Variants in MXRA7 observed in about 807,000 individuals in gnomAD.
The protein encoded by MXRA7 is matrix-remodeling-associated protein 7.
In MXRA7, 18 loss-of-function variants were observed where a neutral mutation model predicts 17.4. That is an observed-to-expected ratio of 1.03 (90% CI 0.71 to 1.53). MXRA7 has a LOEUF of 1.53. Among genes scored for constraint, MXRA7 ranks in the 40% most tolerant of loss-of-function variants. The pLI, the probability that MXRA7 is intolerant of heterozygous loss-of-function variation, is 0.00. For synonymous variants in MXRA7, 70 were observed against 101.7 expected (o/e 0.69, Z 1.87); for missense variants, 141 against 209.3 (o/e 0.67, Z 2.01).
chr17:76,682,288 C>T (rs931179604), intron 3 of MXRA7, among the ~76,000 whole-genome samples: 2 of 152,206 alleles, frequency 1.3e-5, no homozygotes, highest in East Asian at 1.9e-4. Flanking sequence ...AGTTAGGGGA[C>T]GTGCAGCTTG....
At chr17:76,688,643 TCCATGTTC>T in intron 1 of MXRA7, 1 of 1,240,126 alleles carries the variant, frequency 8.1e-7, no homozygotes, top group African/African-American at 1.5e-5. Flanking sequence ...TCTCTCAGTG[TCCATGTTC>T]CCAAAACTGG....
intron 1 of MXRA7, among the ~76,000 whole-genome samples, chr17:76,691,326 C>T (rs1211758609): frequency 6.6e-6 from 1 of 152,228 alleles, no homozygotes; most frequent in African/African-American, 2.4e-5. Flanking sequence ...GTACCTCCAT[C>T]TGGCTGTTCA....
At chr17:76,683,100 A>G (rs1223155538) in intron 3 of MXRA7, among the ~76,000 whole-genome samples, 2 of 152,212 alleles carry the variant, frequency 1.3e-5, no homozygotes, top group Admixed American at 1.3e-4. Flanking sequence ...GAGGCCCTCC[A>G]GATCCATCTG....
At chr17:76,689,619 G>C (rs2076454786) in intron 1 of MXRA7, 1 of 152,190 alleles carries the variant, frequency 6.6e-6, no homozygotes. Context: ...CGCTCCATTT[G>C]ACACAGCAAA....
intron 1 of MXRA7, among the ~76,000 whole-genome samples, chr17:76,705,398 T>A (rs905536861): frequency 5.3e-5 from 8 of 152,364 alleles, no homozygotes; most frequent in African/African-American, 1.9e-4. Flanking sequence ...GAATACAATA[T>A]TTTATGTTCT....
At chr17:76,683,757 G>A in intron 3 of MXRA7, 3 of 848,856 alleles carry the variant, frequency 3.5e-6, no homozygotes, top group Non-Finnish European at 4.0e-6. Flanking sequence ...CGATGGAGGA[G>A]GGGAGGTTGA....
chr17:76,686,934 A>C (rs1459770533), intron 2 of MXRA7, among the ~76,000 whole-genome samples: 1 of 138,980 alleles, frequency 7.2e-6, no homozygotes, highest in African/African-American at 2.6e-5. Context: ...GGTGCAGATA[A>C]GGGGGGAGGC....
chr17:76,679,295 A>AC (rs1567974760), downstream of MXRA7, among the ~76,000 whole-genome samples: 1 of 143,692 alleles, frequency 7.0e-6, no homozygotes, highest in Non-Finnish European at 1.5e-5. Flanking sequence ...CTCAAAAAAA[A>AC]AAAAAAAAAG....
intron 1 of MXRA7, among the ~76,000 whole-genome samples, chr17:76,694,726 C>G (rs1246367217): frequency 6.6e-6 from 1 of 152,124 alleles, no homozygotes; most frequent in Non-Finnish European, 1.5e-5. Flanking sequence ...CCTGGGACTA[C>G]AGACATGGGC....
At chr17:76,702,750 C>T (rs1202734272) in intron 1 of MXRA7, among the ~76,000 whole-genome samples, 3 of 151,236 alleles carry the variant, frequency 2.0e-5, no homozygotes, top group South Asian at 4.2e-4. Flanking sequence ...TATTTGGGAG[C>T]CTGAGGCAAG....
intron 1 of MXRA7, among the ~76,000 whole-genome samples, chr17:76,706,141 A>ACGCTGCCGT (rs1187876350): frequency 5.6e-4 from 85 of 151,898 alleles, no homozygotes; most frequent in Admixed American, 9.8e-4. Context: ...ACAAAGGACC[A>ACGCTGCCGT]CACTGCCGTC....
chr17:76,710,952 C>T lies in MXRA7; in HGVS notation c.-6G>A, dbSNP rs984089109. The T allele has an allele frequency of 3.0e-5, 30 of 992,620 alleles. No homozygotes were observed. In the South Asian group the frequency reaches 9.0e-4, roughly 30 times the overall value. The allele number at this position is 992,620 out of a possible 1,614,324, so 61.5% of individuals were successfully genotyped here. Reference sequence around the variant, plus strand: ...AGCTCGGCCGGCGCCTCCATCGCGCCGCGGCCGCCGAGTGCGGGCCAGCTG... The same window carrying T: ...AGCTCGGCCGGCGCCTCCATCGCGCTGCGGCCGCCGAGTGCGGGCCAGCTG... On this transcript the variant is annotated 5_prime_UTR_variant, in exon 1 of 4. Transcript: ENST00000449428.
At chr17:76,709,038 C>T (rs1360406059) in intron 1 of MXRA7, among the ~76,000 whole-genome samples, 2 of 152,130 alleles carry the variant, frequency 1.3e-5, no homozygotes, top group Admixed American at 6.5e-5. Context: ...TGAACCTATT[C>T]CTGTAGGTAC....
In MXRA7 at chr17:76,710,598, T is replaced by C. The variant is rs1355828928; in HGVS notation, c.342+7A>G. Reference sequence around the variant, plus strand: ...GGGGAGGGGGCCGCGAGGGCCCCGGTGCGTACCTGCCTCGCCTCCACCGCC... The same window carrying C: ...GGGGAGGGGGCCGCGAGGGCCCCGGCGCGTACCTGCCTCGCCTCCACCGCC... On this transcript the variant is annotated splice_region_variant and intron_variant, in intron 1 of 3. Transcript: ENST00000449428. The C allele has an allele frequency of 3.7e-6, 5 of 1,364,010 alleles. No individual in the cohort carries two copies. The highest frequency in any genetic ancestry group is 4.7e-6 in the Non-Finnish European group (5 of 1,054,308). The allele number at this position is 1,364,010 out of a possible 1,614,324, so 84.5% of individuals were successfully genotyped here.
chr17:76,691,738 G>A (rs927506485), intron 1 of MXRA7, among the ~76,000 whole-genome samples: 2 of 152,154 alleles, frequency 1.3e-5, no homozygotes, highest in African/African-American at 4.8e-5. Flanking sequence ...TTTTTCTCAT[G>A]GTTGATGTCT....
intron 1 of MXRA7, among the ~76,000 whole-genome samples, chr17:76,691,190 C>T (rs1030926194): frequency 2.0e-5 from 3 of 152,242 alleles, no homozygotes; most frequent in Admixed American, 6.5e-5. Context: ...CCGTCAACAT[C>T]CCGATAGGGT....
chr17:76,710,329 G>A (rs1567992907), intron 1 of MXRA7, among the ~76,000 whole-genome samples: 2 of 152,206 alleles, frequency 1.3e-5, no homozygotes, highest in South Asian at 2.1e-4. Context: ...AGCACGCCCT[G>A]GGCTGGGAGA....
chr17:76,683,915 G>A, intron 3 of MXRA7: 1 of 1,613,858 alleles, frequency 6.2e-7, no homozygotes, highest in Non-Finnish European at 8.5e-7. Context: ...TGAGGTCAGA[G>A]GTCAGCTCAA....
chr17:76,677,829 C>G (rs1046275982), downstream of MXRA7: 11 of 655,348 alleles, frequency 1.7e-5, no homozygotes, highest in East Asian at 2.6e-5. Flanking sequence ...CTTTTCAGAA[C>G]AAGAAGAAAA....
Sources: gnomAD v4.1 joint callset for allele counts (sites outside exome capture counted in the v4.1 genomes callset) on GRCh38, gnomAD v4.1.1 for gene constraint, MANE v1.5 for transcripts, NCBI Gene and HGNC (gene_info 2026-07-23, HGNC 2026-07-21) for gene names.